Variants in LMNB1 observed in about 807,000 individuals in gnomAD.
LMNB1 encodes lamin-B1.
A neutral mutation model predicts 67.1 loss-of-function variants in LMNB1; 23 were observed. That is an observed-to-expected ratio of 0.34 (90% CI 0.25 to 0.49). The LOEUF (loss-of-function observed/expected upper bound fraction) is 0.49. Ranked by LOEUF, LMNB1 falls within the 20% of genes least tolerant of loss-of-function variation. LMNB1 has a pLI of 0.99. For missense variants in LMNB1, 634 were observed against 746.5 expected, an observed-to-expected ratio of 0.85 and a Z score of 1.76; for synonymous variants, 281 against 282.9, an observed-to-expected ratio of 0.99 and a Z score of 0.07.
At chr5:126,777,964 G>A in intron 1 of LMNB1, 97 bp downstream of exon 1, 1 of 1,151,100 alleles carries the variant, frequency 8.7e-7, no homozygotes, top group Non-Finnish European at 1.1e-6. Context: ...AGGGAGCAGA[G>A]GCCAGGATGC....
rs374381871 is a variant in LMNB1 at position 126,779,199 on chromosome 5, A to C, written c.359+1332A>C. The stretch of plus-strand genomic sequence containing the variant: ...CCCTCCTATCATATGTTTTCGGTTC[A>C]TAAAAAAGCATGTGCACGTGGTAAG... On this transcript the variant is annotated intron_variant, in intron 1 of 10. Transcript: ENST00000261366. 2.0e-5 allele frequency among the ~76,000 whole-genome samples: 3 copies of C among 152,328 alleles called. No homozygotes were observed. In the East Asian group the frequency reaches 5.8e-4, roughly 29 times the overall value.
At chr5:126,788,834 A>G (rs929280491) in intron 1 of LMNB1, among the ~76,000 whole-genome samples, 7 of 152,214 alleles carry the variant, frequency 4.6e-5, no homozygotes, top group Middle Eastern at 3.4e-3. Flanking sequence ...GAAAAAGATT[A>G]TGAGTTTAGA....
At chr5:126,782,368 GTAGA>G (rs1275220615) in intron 1 of LMNB1, among the ~76,000 whole-genome samples, 11 of 152,150 alleles carry the variant, frequency 7.2e-5, no homozygotes, top group African/African-American at 2.2e-4. Context: ...TAGAGTTAGG[GTAGA>G]TAGAGTTAGC....
rs796496632 is a variant in LMNB1, at chr5:126,777,938, G to T, written c.359+71G>T. 3.7e-6 allele frequency: 5 copies of T among 1,354,268 alleles called. No homozygotes were observed. In the East Asian group the frequency reaches 1.5e-4, roughly 40 times the overall value. 83.9% of individuals were successfully genotyped at this position (1,354,268 alleles called of 1,614,324 possible). On this transcript the variant is annotated intron_variant, in intron 1 of 10. Transcript: ENST00000261366. ...GCGCAACCGCGGCGACCAGCTCACC[G>T]GGTTCTGCCGTGGGGAGGGAGCAGA...
chr5:126,820,777 T>G (rs1273457548), intron 6 of LMNB1, 133 bp from the exon 7 acceptor site: 3 of 654,974 alleles, frequency 4.6e-6, no homozygotes, highest in Non-Finnish European at 7.8e-6. Context: ...CCACCTGCCT[T>G]GGCCTCCCAA....
At chr5:126,788,597 G>A (rs1467942105) in intron 1 of LMNB1, among the ~76,000 whole-genome samples, 2 of 152,166 alleles carry the variant, frequency 1.3e-5, no homozygotes, top group Non-Finnish European at 2.9e-5. Flanking sequence ...AGGTTGCAGT[G>A]AGCTGAGATT....
Position 126,827,558 on chromosome 5 carries a change from A to G in LMNB1, c.1611+1451A>G, listed in dbSNP as rs369464827. 1.6e-3 allele frequency among the ~76,000 whole-genome samples: 243 copies of G among 152,236 alleles called. 2 individuals are homozygous for G. Among genetic ancestry groups the G allele is most frequent in the African/African-American group, 5.6e-3 (232 of 41,536 alleles). ...TGCCTGTAGTCCAGGCTACTCAGGA[A>G]GCTGAGGCAGGAGAATTGCTTGAAC... On this transcript the variant is annotated intron_variant, in intron 9 of 10. Transcript: ENST00000261366.
chr5:126,797,904 T>C (rs1751145066), intron 1 of LMNB1, among the ~76,000 whole-genome samples: 2 of 151,964 alleles, frequency 1.3e-5, no homozygotes, highest in Admixed American at 6.6e-5. Context: ...AGGAAAACCC[T>C]GTCTTCCCAT....
chr5:126,800,966 T>TAC (rs1181371368), intron 1 of LMNB1, among the ~76,000 whole-genome samples: 18 of 77,600 alleles, frequency 2.3e-4, no homozygotes, highest in Admixed American at 8.9e-4. Context: ...TATATATATA[T>TAC]ATATATATAT....
chr5:126,804,701 C>A, intron 1 of LMNB1, 75 bp from the exon 2 acceptor site: 1 of 1,327,168 alleles, frequency 7.5e-7, no homozygotes, highest in Non-Finnish European at 1.0e-6. Flanking sequence ...TTTTGTTTGT[C>A]CCTTCAGCAG....
At position 126,819,005 on chromosome 5, in the gene LMNB1, CAA is replaced by C. The variant is rs1751793570; in HGVS notation, c.1025_1026del (p.Lys342ArgfsTer17). The C allele has an allele frequency of 2.5e-6, 4 of 1,614,032 alleles. No individual in the cohort carries two copies. The highest frequency in any genetic ancestry group is 3.4e-6 in the Non-Finnish European group (4 of 1,179,978). ...KDNSRRMLTD[K>X]EREMAEIRDQ... ...ACAACTCTCGTCGCATGCTGACAGA[CAA>C]AGAGAGAGAGATGGCGGAAATAAGG... is the stretch of plus-strand genomic sequence containing the variant. On this transcript the variant is annotated frameshift_variant, in exon 6 of 11. Transcript: ENST00000261366. LOFTEE classifies it high-confidence loss of function.
intron 1 of LMNB1, among the ~76,000 whole-genome samples, chr5:126,786,464 A>T (rs1324114216): frequency 6.6e-6 from 1 of 152,202 alleles, no homozygotes; most frequent in Admixed American, 6.5e-5. Context: ...ATGAGTAAGG[A>T]AACTTCAGGC....
At chr5:126,782,086 T>C (rs527702805) in intron 1 of LMNB1, among the ~76,000 whole-genome samples, 1 of 152,304 alleles carries the variant, frequency 6.6e-6, no homozygotes, top group East Asian at 1.9e-4. Context: ...CTCAACACTT[T>C]AAACAAAAAG....
chr5:126,787,546 A>ATTTTTTTT (rs142332901), intron 1 of LMNB1, among the ~76,000 whole-genome samples: 8 of 65,582 alleles, frequency 1.2e-4, no homozygotes, highest in African/African-American at 3.3e-4. Flanking sequence ...ATATATATAT[A>ATTTTTTTT]TTTTTTTTTT....
At chr5:126,779,545 G>C (rs1350072571) in intron 1 of LMNB1, among the ~76,000 whole-genome samples, 1 of 152,124 alleles carries the variant, frequency 6.6e-6, no homozygotes, top group Non-Finnish European at 1.5e-5. Flanking sequence ...AAAAACATCA[G>C]GACCAACTGT....
intron 1 of LMNB1, among the ~76,000 whole-genome samples, chr5:126,798,692 GTC>G (rs1369648270): frequency 1.3e-5 from 2 of 152,144 alleles, no homozygotes; most frequent in East Asian, 3.9e-4. Context: ...AGTTGTGTGT[GTC>G]TGTGTGTGTG....
Position 126,777,242 on chromosome 5 carries a change from T to G in LMNB1, c.-267T>G. 6.2e-6 allele frequency: 2 copies of G among 323,850 alleles called. No individual in the cohort carries two copies. The highest frequency in any genetic ancestry group is 1.1e-5 in the Non-Finnish European group (2 of 179,046). 20.1% of individuals were successfully genotyped at this position (323,850 alleles called of 1,614,324 possible). On this transcript the variant is annotated 5_prime_UTR_variant, in exon 1 of 11. Coordinates refer to ENST00000261366, the MANE Select transcript of LMNB1 (RefSeq NM_005573.4). ...CTCGTCTTGCATTTTCCCGCGTGCG[T>G]GTGTGAGTGGGTGTGTGTGTTTTCT...
chr5:126,800,015 A>G (rs1282515345), intron 1 of LMNB1, among the ~76,000 whole-genome samples: 1 of 152,216 alleles, frequency 6.6e-6, no homozygotes, highest in East Asian at 1.9e-4. Flanking sequence ...TTTGGGTCTC[A>G]GAATAACCTG....
Position 126,777,473 on chromosome 5 carries a change from C to T in LMNB1, c.-36C>T. ...GTCCCCTCCTTATCACGGTCCCGCT[C>T]GCGGCCTCGCCGCCCCGCTGTCTCC... On this transcript the variant is annotated 5_prime_UTR_variant, in exon 1 of 11. Coordinates refer to ENST00000261366, the MANE Select transcript of LMNB1 (RefSeq NM_005573.4). 7.7e-7 allele frequency: 1 copy of T among 1,299,336 alleles called. No homozygotes were observed. Among genetic ancestry groups the T allele is most frequent in the Non-Finnish European group, 9.7e-7 (1 of 1,027,846 alleles). 80.5% of individuals were successfully genotyped at this position (1,299,336 alleles called of 1,614,324 possible).
Sources: gnomAD v4.1 joint callset for allele counts (sites outside exome capture counted in the v4.1 genomes callset) on GRCh38, gnomAD v4.1.1 for gene constraint, MANE v1.5 for transcripts, NCBI Gene and HGNC (gene_info 2026-07-23, HGNC 2026-07-21) for gene names.